Variants in CCNC observed in about 807,000 individuals in gnomAD.
The protein encoded by CCNC is cyclin C, also known as cyclin-C.
Under a neutral mutation model 50.0 loss-of-function variants are expected in CCNC, and 19 were observed. The ratio of observed to expected loss-of-function variants is 0.38; its 90% CI spans 0.27 to 0.56. The LOEUF (loss-of-function observed/expected upper bound fraction) is 0.56, where lower values mean the gene tolerates loss of function less well. CCNC is among the 20% of genes least tolerant of loss of function. The pLI is 0.72. For missense variants in CCNC, 200 were observed against 327.1 expected (o/e 0.61, Z 3.00); for synonymous variants, 93 against 103.7 (o/e 0.90, Z 0.63).
At position 99,542,462 on chromosome 6, in the gene CCNC, T is replaced by C. The variant is rs542859258; in HGVS notation, c.*1093A>G. ...ACATTTAATAAGCCATCATCCACAA[T>C]TGATTAAAAATGTTTAATCCTTAAA... On this transcript the variant is annotated 3_prime_UTR_variant, in exon 12 of 12. Transcript: ENST00000520429. The C allele has an allele frequency of 2.6e-5, 4 of 152,518 alleles. No homozygotes were observed. The highest frequency in any genetic ancestry group is 9.6e-5 in the African/African-American group (4 of 41,474). The allele number at this position is 152,518 out of a possible 1,614,324, so 9.4% of individuals were successfully genotyped here. A position where few individuals can be genotyped will look rare whatever the true frequency, so the allele number is the denominator to read the frequency against.
chr6:99,568,677 T>C (rs1265339706), upstream of CCNC: 2 of 1,503,148 alleles, frequency 1.3e-6, no homozygotes, highest in East Asian at 2.5e-5. Flanking sequence ...AGGAAGAGGA[T>C]GGCCCCCTAG....
chr6:99,549,333 A>G (rs568248935), intron 9 of CCNC, 175 bp downstream of exon 9: 2 of 671,852 alleles, frequency 3.0e-6, no homozygotes, highest in Admixed American at 2.4e-5. Context: ...TGGGGGAATA[A>G]TAATCCTGAT....
intron 10 of CCNC, 106 bp from the exon 11 acceptor site, chr6:99,545,336 T>C: frequency 1.6e-6 from 1 of 644,216 alleles, no homozygotes; most frequent in South Asian, 2.0e-5. Context: ...AAATAGTCTC[T>C]GTCCTTAAAT....
chr6:99,548,099 G>C (rs142662697), intron 9 of CCNC, among the ~76,000 whole-genome samples: 1 of 152,282 alleles, frequency 6.6e-6, no homozygotes, highest in African/African-American at 2.4e-5. Flanking sequence ...GGGATGCCAA[G>C]CGGAGCTATG....
intron 11 of CCNC, among the ~76,000 whole-genome samples, chr6:99,544,555 C>T (rs552526825): frequency 1.1e-4 from 16 of 152,190 alleles, no homozygotes; most frequent in Middle Eastern, 3.4e-3. Flanking sequence ...CACACACATA[C>T]ACCCCAATAA....
intron 9 of CCNC, among the ~76,000 whole-genome samples, chr6:99,547,726 G>A (rs981093945): frequency 1.1e-4 from 17 of 152,022 alleles, no homozygotes; most frequent in Non-Finnish European, 1.5e-5. Flanking sequence ...ATGTCCCCTC[G>A]GGGCAAAATT....
At chr6:99,559,967 G>T (rs1228806917) in intron 4 of CCNC, among the ~76,000 whole-genome samples, 1 of 151,954 alleles carries the variant, frequency 6.6e-6, no homozygotes, top group African/African-American at 2.4e-5. Context: ...TGATCCACCC[G>T]CCTGAGCCTC....
intron 1 of CCNC, among the ~76,000 whole-genome samples, chr6:99,565,401 A>G (rs1769082585): frequency 1.3e-5 from 2 of 152,004 alleles, no homozygotes; most frequent in South Asian, 4.1e-4. Context: ...TGTAAATTAT[A>G]CTTCTCTATC....
At chr6:99,554,525 A>G (rs1802434936) in intron 5 of CCNC, among the ~76,000 whole-genome samples, 1 of 152,126 alleles carries the variant, frequency 6.6e-6, no homozygotes, top group Non-Finnish European at 1.5e-5. Flanking sequence ...GGACTCATGG[A>G]TATTTAGTTT....
At position 99,564,536 on chromosome 6, in the gene CCNC, G is replaced by A. The variant is rs184694050; in HGVS notation, c.33-1588C>T. On this transcript the variant is annotated intron_variant, in intron 1 of 11. Transcript: ENST00000520429. ...CTTTTCCCTGTAGTTTACTTTTGAG[G>A]TTAAACATCTTTCCATGTCTTTATT... 8.6e-5 allele frequency among the ~76,000 whole-genome samples: 13 copies of A among 151,820 alleles called. No homozygotes were observed. The East Asian group carries it at 2.5e-3, about 29-fold the overall frequency.
At chr6:99,551,963 CAG>C (rs1802318485) in intron 5 of CCNC, 68 bp from the exon 6 acceptor site, 1 of 1,140,208 alleles carries the variant, frequency 8.8e-7, no homozygotes, top group Non-Finnish European at 1.2e-6. Flanking sequence ...ATTCCTTTAA[CAG>C]AGCAGAATAT....
At chr6:99,559,225 T>C (rs2114372938) in intron 4 of CCNC, among the ~76,000 whole-genome samples, 1 of 151,664 alleles carries the variant, frequency 6.6e-6, no homozygotes, top group East Asian at 1.9e-4. Context: ...ATAGTTACTA[T>C]CCTTTTTAGA....
chr6:99,557,025 A>G (rs949028728), intron 5 of CCNC, among the ~76,000 whole-genome samples: 2 of 151,586 alleles, frequency 1.3e-5, no homozygotes, highest in Non-Finnish European at 1.5e-5. Context: ...TTTCCCCACT[A>G]TTTCCTTACT....
intron 6 of CCNC, among the ~76,000 whole-genome samples, chr6:99,551,446 A>G (rs1802293752): frequency 1.3e-5 from 2 of 152,174 alleles, no homozygotes; most frequent in South Asian, 4.1e-4. Context: ...ATACCTATTA[A>G]AATGTCAATA....
chr6:99,548,195 A>C (rs983076211), intron 9 of CCNC, among the ~76,000 whole-genome samples: 2 of 152,106 alleles, frequency 1.3e-5, no homozygotes, highest in African/African-American at 4.8e-5. Flanking sequence ...TGTAAGTGAT[A>C]GTAGAAGCCA....
At chr6:99,550,350 T>C in intron 7 of CCNC, 41 bp from the exon 8 acceptor site, 1 of 1,365,758 alleles carries the variant, frequency 7.3e-7, no homozygotes, top group Non-Finnish European at 1.0e-6. Context: ...AAAAAACAGA[T>C]TTATTACAAC....
intron 5 of CCNC, 79 bp downstream of exon 5, chr6:99,558,418 C>CT: frequency 6.4e-7 from 1 of 1,553,486 alleles, no homozygotes; most frequent in South Asian, 1.2e-5. Context: ...GTCTCATAAA[C>CT]TAAAAAAAAA....
chr6:99,565,780 T>G (rs1191637377), intron 1 of CCNC, among the ~76,000 whole-genome samples: 1 of 152,028 alleles, frequency 6.6e-6, no homozygotes, highest in Non-Finnish European at 1.5e-5. Flanking sequence ...TGACTATATT[T>G]CTATAATAAA....
intron 9 of CCNC, 131 bp from the exon 10 acceptor site, chr6:99,546,605 A>G: frequency 1.6e-6 from 1 of 615,426 alleles, no homozygotes; most frequent in East Asian, 2.7e-5. Context: ...GCTACATATG[A>G]GAGTTACCAC....
Sources: gnomAD v4.1 joint callset for allele counts (sites outside exome capture counted in the v4.1 genomes callset) on GRCh38, gnomAD v4.1.1 for gene constraint, MANE v1.5 for transcripts, NCBI Gene and HGNC (gene_info 2026-07-23, HGNC 2026-07-21) for gene names.